Variants in SLC26A8 observed in about 807,000 individuals in gnomAD.
The protein encoded by SLC26A8 is testis anion transporter 1.
In SLC26A8, 70 loss-of-function variants were observed where a neutral mutation model predicts 105.0. That is an observed-to-expected ratio of 0.67 (90% CI 0.55 to 0.81). The LOEUF (loss-of-function observed/expected upper bound fraction) is 0.81. Ranked by LOEUF, SLC26A8 falls within the 40% of genes least tolerant of loss-of-function variation. The probability of loss-of-function intolerance (pLI) is 0.00; values close to 1 mark genes in which losing one functional copy is unlikely to be tolerated. For missense variants in SLC26A8, 998 were observed against 1,181.8 expected (o/e 0.84, Z 2.28); for synonymous variants, 415 against 438.3 (o/e 0.95, Z 0.66).
chr6:35,977,444 T>TC (rs1170312784), intron 8 of SLC26A8, 93 bp from the exon 9 acceptor site: 1 of 809,864 alleles, frequency 1.2e-6, no homozygotes, highest in Admixed American at 3.9e-5. Flanking sequence ...TCCTGATTCT[T>TC]TTTTTTTTTT....
At chr6:35,968,388 G>T (rs1362557930) in intron 11 of SLC26A8, among the ~76,000 whole-genome samples, 2 of 151,204 alleles carry the variant, frequency 1.3e-5, no homozygotes, top group East Asian at 3.9e-4. Context: ...CAGGTAATCT[G>T]CCCAGCTTGG....
intron 8 of SLC26A8, 148 bp from the exon 9 acceptor site, chr6:35,977,499 T>C: frequency 1.3e-6 from 1 of 767,520 alleles, no homozygotes; most frequent in South Asian, 2.7e-5. Context: ...GGCAGCAGCC[T>C]GCCAAAACTG....
chr6:35,960,985 C>G lies in SLC26A8; in HGVS notation c.1568+8G>C. 1 of 1,614,032 alleles carries G rather than the reference C, an allele frequency of 6.2e-7. No individual in the cohort carries two copies. Among genetic ancestry groups the G allele is most frequent in the Non-Finnish European group, 8.5e-7 (1 of 1,179,958 alleles). ...CTTGTTAACCTCCTATTACCTGAGA[C>G]AAAGTACCTGTGTGAACGAACAGTG... On this transcript the variant is annotated splice_region_variant and intron_variant, in intron 13 of 19. Transcript: ENST00000490799.
chr6:35,946,317 A>G (rs1012543140), intron 19 of SLC26A8, among the ~76,000 whole-genome samples: 3 of 152,182 alleles, frequency 2.0e-5, no homozygotes, highest in Admixed American at 6.5e-5. Context: ...GCTCACTGCA[A>G]CTTCCGCCTC....
At chr6:36,013,164 T>C (rs1032764893) in intron 2 of SLC26A8, among the ~76,000 whole-genome samples, 7 of 152,164 alleles carry the variant, frequency 4.6e-5, no homozygotes, top group African/African-American at 7.2e-5. Flanking sequence ...AGGTGCAGTT[T>C]TGTTCCCCTG....
intron 11 of SLC26A8, among the ~76,000 whole-genome samples, chr6:35,964,968 A>G (rs539643261): frequency 6.7e-6 from 1 of 148,526 alleles, no homozygotes; most frequent in Non-Finnish European, 1.5e-5. Context: ...CCATGTCTCA[A>G]AAAAAAAAAA....
At chr6:36,000,796 A>G (rs1210597106) in intron 3 of SLC26A8, among the ~76,000 whole-genome samples, 1 of 152,198 alleles carries the variant, frequency 6.6e-6, no homozygotes, top group African/African-American at 2.4e-5. Context: ...ATTGTCTTAG[A>G]TAAGCAAGGC....
At chr6:35,973,805 A>T (rs1309642362) in intron 10 of SLC26A8, among the ~76,000 whole-genome samples, 2 of 152,158 alleles carry the variant, frequency 1.3e-5, no homozygotes, top group Non-Finnish European at 2.9e-5. Context: ...CTGCTGACAC[A>T]TTCGTTTCTG....
chr6:35,990,337 TG>T, intron 7 of SLC26A8: 1 of 292,046 alleles, frequency 3.4e-6, no homozygotes, highest in South Asian at 3.4e-5. Context: ...GGGTTCTTAT[TG>T]AACAAGATGT....
intron 7 of SLC26A8, among the ~76,000 whole-genome samples, chr6:35,990,635 G>A (rs2127347473): frequency 6.6e-6 from 1 of 152,248 alleles, no homozygotes; most frequent in East Asian, 1.9e-4. Context: ...AGAAGGAATG[G>A]AAGTTGAAAA....
chr6:35,994,195 A>G (rs1174242132), intron 5 of SLC26A8, among the ~76,000 whole-genome samples: 8 of 144,496 alleles, frequency 5.5e-5, no homozygotes, highest in Non-Finnish European at 9.0e-5. Context: ...ACTCACTGCA[A>G]TCTCCACCTC....
At chr6:36,000,776 G>T (rs1472751010) in intron 3 of SLC26A8, among the ~76,000 whole-genome samples, 2 of 152,142 alleles carry the variant, frequency 1.3e-5, no homozygotes, top group Non-Finnish European at 2.9e-5. Context: ...TGAATTTAGT[G>T]AGGTGGTTTA....
At chr6:35,951,591 G>GT in intron 17 of SLC26A8, 92 bp from the exon 18 acceptor site, 1 of 1,428,880 alleles carries the variant, frequency 7.0e-7, no homozygotes, top group South Asian at 1.2e-5. Context: ...TTTTGTTTTG[G>GT]TTTTTTGTGA....
chr6:35,958,644 C>T (rs1346744599), intron 16 of SLC26A8, among the ~76,000 whole-genome samples: 2 of 152,132 alleles, frequency 1.3e-5, no homozygotes, highest in Admixed American at 6.5e-5. Context: ...GGAACCTATG[C>T]TCCATTAGAA....
chr6:35,970,771 A>T (rs1444283716), intron 10 of SLC26A8, among the ~76,000 whole-genome samples: 1 of 152,172 alleles, frequency 6.6e-6, no homozygotes, highest in Non-Finnish European at 1.5e-5. Context: ...CGCACCTGTA[A>T]TCCCAGCACT....
chr6:35,977,877 G>T (rs1297647946), intron 8 of SLC26A8, among the ~76,000 whole-genome samples: 2 of 152,070 alleles, frequency 1.3e-5, no homozygotes, highest in African/African-American at 4.8e-5. Flanking sequence ...TTGAGGTCAG[G>T]AGTTCGAGAT....
chr6:36,000,984 G>C (rs1037456038), intron 3 of SLC26A8, among the ~76,000 whole-genome samples: 4 of 152,004 alleles, frequency 2.6e-5, no homozygotes, highest in Non-Finnish European at 4.4e-5. Context: ...TAGATATTTT[G>C]GTATGTGTCT....
At chr6:36,019,365 C>A (rs1390005649) in intron 2 of SLC26A8, among the ~76,000 whole-genome samples, 155 bp downstream of exon 2, 1 of 152,116 alleles carries the variant, frequency 6.6e-6, no homozygotes, top group Non-Finnish European at 1.5e-5. Flanking sequence ...TACTGCAAGA[C>A]AAACCACAAA....
chr6:35,946,774 A>C (rs1048976689), intron 19 of SLC26A8, among the ~76,000 whole-genome samples: 18 of 151,666 alleles, frequency 1.2e-4, no homozygotes, highest in Admixed American at 5.2e-4. Flanking sequence ...TGTGACCTCA[A>C]ACTACTGGGC....
Sources: gnomAD v4.1 joint callset for allele counts (sites outside exome capture counted in the v4.1 genomes callset) on GRCh38, gnomAD v4.1.1 for gene constraint, MANE v1.5 for transcripts, NCBI Gene and HGNC (gene_info 2026-07-23, HGNC 2026-07-21) for gene names.